DOP1B: variants seen among roughly 807,000 people sequenced by gnomAD.
The protein encoded by DOP1B is protein DOP1B.
In DOP1B, 174 loss-of-function variants were observed where a neutral mutation model predicts 233.5. That is an observed-to-expected ratio of 0.75 (90% confidence interval 0.66 to 0.85). The LOEUF is 0.85. Ranked by LOEUF, DOP1B falls within the 40% of genes least tolerant of loss-of-function variation. The pLI is 0.00. For synonymous variants in DOP1B, 1,190 were observed against 1,185.6 expected (o/e 1.00, Z -0.08); for missense variants, 2,652 against 2,846.6 (o/e 0.93, Z 1.56).
chr21:36,251,098 C>G (rs2067027316), intron 21 of DOP1B, 64 bp from the exon 22 acceptor site: 1 of 1,558,718 alleles, frequency 6.4e-7, no homozygotes, highest in Non-Finnish European at 8.7e-7. Flanking sequence ...AGTGGTGGTT[C>G]AATGTATATG....
intron 32 of DOP1B, among the ~76,000 whole-genome samples, chr21:36,286,684 G>A (rs536326607): frequency 3.6e-4 from 54 of 148,548 alleles, no homozygotes; most frequent in African/African-American, 1.3e-3. Context: ...AAAACTGACT[G>A]AGCATGGCAG....
chr21:36,165,075 G>A (rs984733773), intron 2 of DOP1B, among the ~76,000 whole-genome samples: 3 of 151,684 alleles, frequency 2.0e-5, no homozygotes, highest in African/African-American at 7.3e-5. Flanking sequence ...ATATAGAAAA[G>A]AAAAAAACCA....
chr21:36,218,036 C>G (rs562110508), intron 9 of DOP1B, among the ~76,000 whole-genome samples: 1 of 152,186 alleles, frequency 6.6e-6, no homozygotes, highest in Non-Finnish European at 1.5e-5. Context: ...AATTTTTTAG[C>G]TGTCTGCAAG....
At position 36,248,563 on chromosome 21, in the gene DOP1B, A is replaced by G. The variant is rs1475624538; in HGVS notation, c.4993A>G (p.Thr1665Ala). The G allele has an allele frequency of 1.2e-6, 2 of 1,604,668 alleles. No individual in the cohort carries two copies. Among genetic ancestry groups the G allele is most frequent in the East Asian group, 2.2e-5 (1 of 44,798 alleles). The change falls in exon 21 of 37, where the codon ACC becomes GCC. Residue 1665 changes from threonine to alanine, a missense_variant. Transcript: ENST00000691173. ...ATCCTCTTCCGTTTACTTTAAAACC[A>G]CCAAAGTAAGAGGATGTCTCTGTAG... is the stretch of plus-strand genomic sequence containing the variant. ...KGSSSVYFKT[T>A]KTIRQKILDF...
rs139119310 is a variant in DOP1B, at chr21:36,214,507, C to T, written c.1080C>T (p.Tyr360=). ...ACGTGGAGGAACGCCATCATGCATA[C>T]CTGAAGCCTTTTCGCGTCCTCATCA... is the stretch of plus-strand genomic sequence containing the variant. The part of the protein sequence containing the change: ...DADVEERHHA[Y]LKPFRVLISL... Residue 360 remains tyrosine, a synonymous_variant, in exon 9 of 37, where the codon TAC becomes TAT. Transcript: ENST00000691173. 4 of 1,613,932 alleles carry T rather than the reference C, an allele frequency of 2.5e-6. No homozygotes were observed. The African/African-American group carries it at 5.3e-5, about 22-fold the overall frequency.
chr21:36,177,478 G>A (rs930749788), intron 2 of DOP1B, among the ~76,000 whole-genome samples: 1 of 152,186 alleles, frequency 6.6e-6, no homozygotes. Context: ...TCCAGATTTA[G>A]AGATGAATTA....
chr21:36,228,623 G>A (rs907181580), intron 13 of DOP1B, among the ~76,000 whole-genome samples: 10 of 151,520 alleles, frequency 6.6e-5, no homozygotes, highest in South Asian at 2.1e-4. Context: ...AAAATTAGCC[G>A]GGTGCAGTGG....
chr21:36,253,066 C>G (rs2067049884), intron 22 of DOP1B, among the ~76,000 whole-genome samples: 1 of 152,208 alleles, frequency 6.6e-6, no homozygotes. Context: ...CCTGTCGGCT[C>G]CTTCCCTGGT....
intron 4 of DOP1B, among the ~76,000 whole-genome samples, chr21:36,201,664 G>T (rs1027485266): frequency 6.6e-6 from 1 of 151,904 alleles, no homozygotes; most frequent in Non-Finnish European, 1.5e-5. Context: ...AGATTCTAAA[G>T]TCCTTCTTCT....
chr21:36,194,254 T>G (rs909471674), intron 2 of DOP1B, among the ~76,000 whole-genome samples: 2 of 152,208 alleles, frequency 1.3e-5, no homozygotes, highest in Non-Finnish European at 2.9e-5. Context: ...AAGTTCTGTC[T>G]GGCCAAATCT....
chr21:36,205,813 T>A (rs2066419841), intron 4 of DOP1B, among the ~76,000 whole-genome samples: 1 of 151,708 alleles, frequency 6.6e-6, no homozygotes, highest in Non-Finnish European at 1.5e-5. Flanking sequence ...AAGACCAGCT[T>A]GGCCAACATG....
At chr21:36,181,899 G>A (rs1050100093) in intron 2 of DOP1B, among the ~76,000 whole-genome samples, 39 of 152,328 alleles carry the variant, frequency 2.6e-4, no homozygotes, top group African/African-American at 8.7e-4. Context: ...TGTTTCTTGT[G>A]TCATAAAGGA....
At chr21:36,180,594 A>G (rs202229731) in intron 2 of DOP1B, among the ~76,000 whole-genome samples, 3,009 of 150,840 alleles carry the variant, frequency 0.02, 90 homozygotes, top group African/African-American at 0.069. Context: ...AAGAAAAAAA[A>G]TTGTGGCTGG....
At chr21:36,168,406 G>A (rs1302263036) in intron 2 of DOP1B, among the ~76,000 whole-genome samples, 3 of 152,040 alleles carry the variant, frequency 2.0e-5, no homozygotes, top group Admixed American at 1.3e-4. Context: ...TGGGACATAC[G>A]GAAACGCTAT....
chr21:36,200,072 A>G (rs937541645), intron 3 of DOP1B, among the ~76,000 whole-genome samples: 9 of 152,114 alleles, frequency 5.9e-5, no homozygotes, highest in Non-Finnish European at 1.2e-4. Context: ...AAGTGTTCCT[A>G]TTTCTCCACA....
At chr21:36,249,663 T>A (rs1299319867) in intron 21 of DOP1B, among the ~76,000 whole-genome samples, 3 of 152,172 alleles carry the variant, frequency 2.0e-5, no homozygotes, top group African/African-American at 7.2e-5. Context: ...TAGTCTTTGG[T>A]TTTCAGTGTC....
chr21:36,221,817 C>A (rs1234102806), intron 10 of DOP1B, among the ~76,000 whole-genome samples: 1 of 152,014 alleles, frequency 6.6e-6, no homozygotes, highest in African/African-American at 2.4e-5. Context: ...ACCTCGTGAT[C>A]CACCTGCTTC....
chr21:36,293,353 A>C lies in DOP1B; in HGVS notation c.6679A>C (p.Ser2227Arg). Residue 2227 changes from serine to arginine, a missense_variant, in exon 37 of 37, where the codon AGT (serine) becomes CGT (arginine). Coordinates refer to ENST00000691173, the MANE Select transcript of DOP1B (RefSeq NM_001320714.2). The part of the protein sequence containing the change: ...ISSSDEITMK[S>R]EFPLLRQHSV... ...TAGCTCTGATGAGATCACCATGAAG[A>C]GTGAATTCCCGCTTCTGCGCCAACA... is the stretch of plus-strand genomic sequence containing the variant. 6.2e-7 allele frequency: 1 copy of C among 1,614,156 alleles called. No homozygotes were observed. Among genetic ancestry groups the C allele is most frequent in the Non-Finnish European group, 8.5e-7 (1 of 1,180,038 alleles).
intron 2 of DOP1B, among the ~76,000 whole-genome samples, chr21:36,184,875 T>C (rs1351847952): frequency 6.6e-6 from 1 of 152,210 alleles, no homozygotes; most frequent in African/African-American, 2.4e-5. Flanking sequence ...GGAAGGCCTC[T>C]GGGAGTTCTC....
Sources: gnomAD v4.1 joint callset for allele counts (sites outside exome capture counted in the v4.1 genomes callset) on GRCh38, gnomAD v4.1.1 for gene constraint, MANE v1.5 for transcripts, NCBI Gene and HGNC (gene_info 2026-07-23, HGNC 2026-07-21) for gene names.